GPC6: variants seen among roughly 807,000 people sequenced by gnomAD.
GPC6 encodes the protein glypican-6.
A neutral mutation model predicts 55.2 loss-of-function variants in GPC6; 14 were observed. The ratio of observed to expected loss-of-function variants is 0.25; its 90% CI spans 0.17 to 0.40. The LOEUF is 0.40. GPC6 is among the 10% of genes least tolerant of loss of function. GPC6 has a pLI of 1.00. For synonymous variants in GPC6, 278 were observed against 259.6 expected (o/e 1.07, Z -0.68); for missense variants, 641 against 708.5 (o/e 0.90, Z 1.08).
At chr13:93,947,884 C>T (rs1002661257) in intron 3 of GPC6, among the ~76,000 whole-genome samples, 5 of 151,976 alleles carry the variant, frequency 3.3e-5, no homozygotes, top group South Asian at 2.1e-4. Context: ...AGTCTGAGCA[C>T]GTAAGCCTCC....
At chr13:94,171,298 C>A (rs558358565) in intron 4 of GPC6, among the ~76,000 whole-genome samples, 1 of 152,152 alleles carries the variant, frequency 6.6e-6, no homozygotes, top group East Asian at 1.9e-4. Context: ...ACACAGCCAG[C>A]GCAACATAGA....
chr13:93,284,147 T>C (rs1050985166), intron 1 of GPC6, among the ~76,000 whole-genome samples: 5 of 152,214 alleles, frequency 3.3e-5, no homozygotes, highest in Admixed American at 3.3e-4. Context: ...TTTAAGCAAG[T>C]GCATCTGATT....
At chr13:93,454,193 A>T (rs1878343298) in intron 1 of GPC6, among the ~76,000 whole-genome samples, 1 of 148,774 alleles carries the variant, frequency 6.7e-6, no homozygotes. Context: ...ACCTTGAGCT[A>T]GATACAGAGT....
At chr13:93,733,578 TA>T (rs916395080) in intron 2 of GPC6, among the ~76,000 whole-genome samples, 106 of 146,946 alleles carry the variant, frequency 7.2e-4, no homozygotes, top group African/African-American at 1.2e-3. Context: ...AATTTTTATG[TA>T]AAAAAAAAAA....
intron 3 of GPC6, among the ~76,000 whole-genome samples, chr13:93,907,237 TTAA>T (rs1030705707): frequency 4.6e-5 from 7 of 152,138 alleles, no homozygotes; most frequent in Non-Finnish European, 1.0e-4. Context: ...TGTATATCCC[TTAA>T]TAATAAAATT....
chr13:93,597,712 G>A (rs529021678), intron 2 of GPC6, among the ~76,000 whole-genome samples: 42 of 152,180 alleles, frequency 2.8e-4, no homozygotes, highest in African/African-American at 9.4e-4. Flanking sequence ...TATAATTTGT[G>A]TAATAACATT....
intron 4 of GPC6, among the ~76,000 whole-genome samples, chr13:94,073,818 T>C (rs184568101): frequency 1.3e-5 from 2 of 152,310 alleles, no homozygotes; most frequent in East Asian, 3.9e-4. Context: ...ACTAGAGCTT[T>C]GTTTAACTTT....
chr13:93,783,477 A>G (rs545618692), intron 2 of GPC6, among the ~76,000 whole-genome samples: 9 of 152,062 alleles, frequency 5.9e-5, no homozygotes, highest in African/African-American at 1.9e-4. Context: ...TTTCTCTGCA[A>G]CCTCACCAGC....
chr13:94,019,408 A>G (rs1404571531), intron 3 of GPC6, among the ~76,000 whole-genome samples: 1 of 152,218 alleles, frequency 6.6e-6, no homozygotes. Context: ...TCAGGCGCTT[A>G]GAAGTCTGAA....
chr13:94,127,027 A>T (rs1006414574), intron 4 of GPC6, among the ~76,000 whole-genome samples: 3 of 152,124 alleles, frequency 2.0e-5, no homozygotes, highest in Non-Finnish European at 4.4e-5. Context: ...ATATATATGT[A>T]CTAGTCATTT....
intron 4 of GPC6, among the ~76,000 whole-genome samples, chr13:94,212,654 A>T (rs1890114460): frequency 6.6e-6 from 1 of 152,160 alleles, no homozygotes; most frequent in African/African-American, 2.4e-5. Flanking sequence ...TTGTCCATTG[A>T]TGTCAGCCAT....
At chr13:94,180,262 G>C (rs1888943126) in intron 4 of GPC6, among the ~76,000 whole-genome samples, 1 of 152,194 alleles carries the variant, frequency 6.6e-6, no homozygotes, top group Non-Finnish European at 1.5e-5. Flanking sequence ...GGGTTCATCT[G>C]ATGCTAAACT....
chr13:93,460,436 G>A (rs917163318), intron 1 of GPC6, among the ~76,000 whole-genome samples: 1 of 150,970 alleles, frequency 6.6e-6, no homozygotes, highest in Non-Finnish European at 1.5e-5. Context: ...AATAAAGTTA[G>A]GTTAAGAATT....
At chr13:94,114,096 C>A (rs1386314504) in intron 4 of GPC6, among the ~76,000 whole-genome samples, 37 of 34,366 alleles carry the variant, frequency 1.1e-3, no homozygotes, top group South Asian at 5.8e-3. Context: ...TTAGCTTTAT[C>A]AAAAAAAAAA....
intron 1 of GPC6, among the ~76,000 whole-genome samples, chr13:93,544,745 A>G (rs753035985): frequency 5.9e-5 from 9 of 152,246 alleles, no homozygotes; most frequent in Non-Finnish European, 8.8e-5. Context: ...AGAAATGTCA[A>G]CTTAGCGAAT....
At chr13:93,495,579 C>T (rs1880230622) in intron 1 of GPC6, among the ~76,000 whole-genome samples, 1 of 122,940 alleles carries the variant, frequency 8.1e-6, no homozygotes, top group African/African-American at 3.1e-5. Flanking sequence ...AACTGCGTTC[C>T]TTTGGAGGAG....
At chr13:93,950,969 C>T (rs1040162028) in intron 3 of GPC6, among the ~76,000 whole-genome samples, 1 of 152,072 alleles carries the variant, frequency 6.6e-6, no homozygotes, top group Non-Finnish European at 1.5e-5. Flanking sequence ...AGAATTTGCC[C>T]ATCTTGGTAG....
intron 4 of GPC6, among the ~76,000 whole-genome samples, chr13:94,260,553 A>C (rs1018571414): frequency 5.3e-5 from 8 of 152,206 alleles, no homozygotes; most frequent in Non-Finnish European, 1.0e-4. Flanking sequence ...GACATCAGTT[A>C]TAATGGATTA....
intron 2 of GPC6, among the ~76,000 whole-genome samples, chr13:93,650,583 T>A (rs1459234082): frequency 6.6e-6 from 1 of 152,128 alleles, no homozygotes; most frequent in East Asian, 1.9e-4. Flanking sequence ...ATGTGTATGT[T>A]AACAGCCATA....
Sources: allele counts gnomAD v4.1 joint callset (sites outside exome capture counted in the v4.1 genomes callset), GRCh38; gene constraint gnomAD v4.1.1; transcripts MANE v1.5; gene names NCBI Gene and HGNC (gene_info 2026-07-23, HGNC 2026-07-21).